SEMA3A: variants seen among roughly 807,000 people sequenced by gnomAD.
SEMA3A encodes semaphorin 3A.
Under a neutral mutation model 97.9 loss-of-function variants are expected in SEMA3A, and 29 were observed. The observed-to-expected ratio is 0.30, with a 90% confidence interval of 0.22 to 0.40. The LOEUF is 0.40. Among genes scored for constraint, SEMA3A ranks in the 10% least tolerant of loss-of-function variants. SEMA3A has a pLI of 1.00. For missense variants in SEMA3A, 763 were observed against 951.3 expected (o/e 0.80, Z 2.60); for synonymous variants, 321 against 323.7 (o/e 0.99, Z 0.09).
chr7:84,273,539 G>A (rs529100241), intron 3 of SEMA3A, among the ~76,000 whole-genome samples: 2 of 152,016 alleles, frequency 1.3e-5, no homozygotes, highest in Admixed American at 6.6e-5. Flanking sequence ...CCTGAATGTC[G>A]CACATTTTCC....
At chr7:84,270,668 T>C (rs1449089041) in intron 3 of SEMA3A, among the ~76,000 whole-genome samples, 2 of 148,526 alleles carry the variant, frequency 1.3e-5, no homozygotes, top group Admixed American at 6.8e-5. Flanking sequence ...TTCATATATA[T>C]ATGAATATAT....
chr7:84,355,226 G>A (rs10954753), intron 2 of SEMA3A, among the ~76,000 whole-genome samples: 43,585 of 151,700 alleles, frequency 0.29, 6,749 homozygotes, highest in African/African-American at 0.38. Context: ...CAGCTGTTTT[G>A]TAGCATACTA....
chr7:84,179,738 T>G (rs1282015959), intron 1 of SEMA3A, among the ~76,000 whole-genome samples: 1 of 151,966 alleles, frequency 6.6e-6, no homozygotes, highest in Non-Finnish European at 1.5e-5. Context: ...GAAATTGATT[T>G]AAAAGTTTTA....
At chr7:84,376,599 G>A (rs1476997063) in intron 1 of SEMA3A, among the ~76,000 whole-genome samples, 3 of 58,534 alleles carry the variant, frequency 5.1e-5, no homozygotes, top group African/African-American at 8.9e-5. Context: ...GCGAGACTCC[G>A]TCTCAAAAAA....
intron 1 of SEMA3A, among the ~76,000 whole-genome samples, chr7:84,379,551 T>C (rs1803200609): frequency 6.6e-6 from 1 of 152,148 alleles, no homozygotes; most frequent in Non-Finnish European, 1.5e-5. Flanking sequence ...AATTCATCTA[T>C]AAAACATATG....
chr7:84,134,700 T>C (rs980512278), intron 2 of SEMA3A, 94 bp downstream of exon 2: 7 of 966,424 alleles, frequency 7.2e-6, no homozygotes, highest in Middle Eastern at 4.7e-4. Context: ...AAAACAATTT[T>C]CTGTCAGTAA....
intron 2 of SEMA3A, among the ~76,000 whole-genome samples, chr7:84,347,146 A>T (rs1802318252): frequency 6.6e-6 from 1 of 152,210 alleles, no homozygotes; most frequent in African/African-American, 2.4e-5. Flanking sequence ...CATAAAAGTA[A>T]ACACAGATTG....
chr7:84,060,380 GA>G, intron 5 of SEMA3A, 84 bp downstream of exon 5: 1 of 815,126 alleles, frequency 1.2e-6, no homozygotes, highest in Non-Finnish European at 2.0e-6. Context: ...TTTCATAATG[GA>G]AAATCTTGGT....
At chr7:84,471,172 C>G (rs1048498699) in intron 1 of SEMA3A, among the ~76,000 whole-genome samples, 1 of 152,068 alleles carries the variant, frequency 6.6e-6, no homozygotes, top group African/African-American at 2.4e-5. Flanking sequence ...TGTAATGTTT[C>G]TTTTCTGTCC....
chr7:84,415,729 T>A (rs1443888918), intron 1 of SEMA3A, among the ~76,000 whole-genome samples: 1 of 152,056 alleles, frequency 6.6e-6, no homozygotes, highest in Non-Finnish European at 1.5e-5. Flanking sequence ...CATTTTTTCT[T>A]ATATATATTT....
At chr7:84,111,608 T>C (rs1370055679) in intron 3 of SEMA3A, among the ~76,000 whole-genome samples, 3 of 152,184 alleles carry the variant, frequency 2.0e-5, no homozygotes, top group Non-Finnish European at 4.4e-5. Context: ...GACCCTAAAA[T>C]ACATTGCCCT....
At chr7:84,050,383 T>A (rs1333436229) in intron 5 of SEMA3A, among the ~76,000 whole-genome samples, 2 of 152,142 alleles carry the variant, frequency 1.3e-5, no homozygotes, top group African/African-American at 2.4e-5. Flanking sequence ...GTTTCCTGAC[T>A]TTTTAATGAT....
At chr7:84,329,651 G>A (rs1801865018) in intron 2 of SEMA3A, among the ~76,000 whole-genome samples, 1 of 151,976 alleles carries the variant, frequency 6.6e-6, no homozygotes, top group South Asian at 2.1e-4. Flanking sequence ...TAATATCCAG[G>A]TGAACAATAA....
chr7:84,385,698 A>G (rs898424156), intron 1 of SEMA3A, among the ~76,000 whole-genome samples: 2 of 152,162 alleles, frequency 1.3e-5, no homozygotes, highest in Non-Finnish European at 2.9e-5. Flanking sequence ...TGTTATACCA[A>G]ATTATTGAGT....
chr7:84,117,159 A>G (rs1231658160), intron 3 of SEMA3A, among the ~76,000 whole-genome samples: 1 of 152,168 alleles, frequency 6.6e-6, no homozygotes, highest in Non-Finnish European at 1.5e-5. Flanking sequence ...AAATATGCAC[A>G]TATATGTGGA....
At chr7:84,256,748 T>C (rs1799727670) in intron 3 of SEMA3A, among the ~76,000 whole-genome samples, 1 of 152,058 alleles carries the variant, frequency 6.6e-6, no homozygotes, top group Non-Finnish European at 1.5e-5. Flanking sequence ...TTAACATCCT[T>C]TTTTGGTGTT....
chr7:84,225,199 A>G (rs773729740), intron 3 of SEMA3A, among the ~76,000 whole-genome samples: 7 of 152,150 alleles, frequency 4.6e-5, no homozygotes, highest in African/African-American at 1.2e-4. Flanking sequence ...AGTATTGCAC[A>G]TAGTGTAAAG....
rs555530679 is a variant in SEMA3A at position 84,002,499 on chromosome 7, C to A, written c.1361-453G>T. Among the ~76,000 whole-genome samples, 3 of 152,176 alleles carry A rather than the reference C, an allele frequency of 2.0e-5. No individual in the cohort carries two copies. In the South Asian group the frequency reaches 6.2e-4, roughly 32 times the overall value. ...CTTTTATTACAAAATCAGGGTACTACTATGAAGACTAAATATAAATGAAAA... is the reference window on the plus strand; with the variant it reads ...CTTTTATTACAAAATCAGGGTACTAATATGAAGACTAAATATAAATGAAAA... On this transcript the variant is annotated intron_variant, in intron 11 of 16. Transcript: ENST00000265362.
chr7:84,333,252 T>C (rs1238047687), intron 2 of SEMA3A, among the ~76,000 whole-genome samples: 1 of 152,140 alleles, frequency 6.6e-6, no homozygotes, highest in African/African-American at 2.4e-5. Context: ...CCATTGATGC[T>C]CCCTAAGTTG....
Sources: allele counts gnomAD v4.1 joint callset (sites outside exome capture counted in the v4.1 genomes callset), GRCh38; gene constraint gnomAD v4.1.1; transcripts MANE v1.5; gene names NCBI Gene and HGNC (gene_info 2026-07-23, HGNC 2026-07-21).